The following CDYL2 variants were observed in gnomAD, a reference collection of about 807,000 sequenced individuals.
CDYL2 encodes the protein chromodomain Y like 2, also known as chromodomain Y-like protein 2.
In CDYL2, 23 loss-of-function variants were observed where a neutral mutation model predicts 49.4. The ratio of observed to expected loss-of-function variants is 0.47; its 90% confidence interval spans 0.34 to 0.66. The LOEUF (loss-of-function observed/expected upper bound fraction) is 0.66, where lower values mean the gene tolerates loss of function less well. CDYL2 is among the 30% of genes least tolerant of loss of function. The probability of loss-of-function intolerance (pLI) is 0.01; values close to 1 mark genes in which losing one functional copy is unlikely to be tolerated. For missense variants in CDYL2, 678 were observed against 656.4 expected (o/e 1.03, Z -0.36); for synonymous variants, 360 against 268.8 (o/e 1.34, Z -3.32).
intron 1 of CDYL2, among the ~76,000 whole-genome samples, chr16:80,766,979 A>G (rs996185764): frequency 6.6e-5 from 10 of 152,184 alleles, no homozygotes; most frequent in African/African-American, 2.4e-4. Flanking sequence ...TTTGCAGATG[A>G]ATAAACTGAG....
rs568361647 is a variant in CDYL2, at chr16:80,681,781, G to C, written c.616+2757C>G. 4.9e-4 allele frequency among the ~76,000 whole-genome samples: 74 copies of C among 152,316 alleles called. No individual in the cohort carries two copies. The South Asian group carries it at 0.015, about 30-fold the overall frequency. ...CAGCCTCGGGCGCCTTCTCAGCATG[G>C]GGCCAGAGGCCGGCATTCCAACTTC... On this transcript the variant is annotated intron_variant, in intron 2 of 6. Transcript: ENST00000570137.
At chr16:80,722,885 G>C (rs1056438021) in intron 1 of CDYL2, among the ~76,000 whole-genome samples, 1 of 152,180 alleles carries the variant, frequency 6.6e-6, no homozygotes, top group African/African-American at 2.4e-5. Context: ...TTCACAGGAG[G>C]GAAAATTATT....
At chr16:80,734,510 C>G (rs1905447172) in intron 1 of CDYL2, among the ~76,000 whole-genome samples, 1 of 150,778 alleles carries the variant, frequency 6.6e-6, no homozygotes, top group African/African-American at 2.4e-5. Context: ...TAGAGGACAT[C>G]TAGGTGGAAA....
Position 80,643,493 on chromosome 16 carries a change from G to A in CDYL2, c.617-10257C>T, listed in dbSNP as rs577075047. ...CTCCACAGGGACTCTGTGTGGGGGC[G>A]GTGAGCCCATATTTCCCTTCTGCAC... On this transcript the variant is annotated intron_variant, in intron 2 of 6. Coordinates refer to ENST00000570137, the MANE Select transcript of CDYL2 (RefSeq NM_152342.4). Among the ~76,000 whole-genome samples, 47 of 152,348 alleles carry A rather than the reference G, an allele frequency of 3.1e-4. No homozygotes were observed. The East Asian group carries it at 5.4e-3, about 18-fold the overall frequency.
At chr16:80,656,399 C>T (rs1908813516) in intron 2 of CDYL2, among the ~76,000 whole-genome samples, 1 of 152,262 alleles carries the variant, frequency 6.6e-6, no homozygotes, top group Non-Finnish European at 1.5e-5. Context: ...GTCGGGGGCA[C>T]TGCCTGCATT....
intron 2 of CDYL2, among the ~76,000 whole-genome samples, chr16:80,682,047 G>C (rs1319813402): frequency 1.3e-5 from 2 of 152,170 alleles, no homozygotes; most frequent in African/African-American, 2.4e-5. Context: ...TTGTTAACAA[G>C]TCCATCTCCT....
intron 4 of CDYL2, among the ~76,000 whole-genome samples, chr16:80,620,029 T>G (rs910231051): frequency 6.6e-6 from 1 of 152,170 alleles, no homozygotes; most frequent in South Asian, 2.1e-4. Context: ...CATTCCTGAA[T>G]TGTGACTTGT....
At chr16:80,795,020 T>C (rs558234735) in intron 1 of CDYL2, among the ~76,000 whole-genome samples, 2 of 152,294 alleles carry the variant, frequency 1.3e-5, no homozygotes, top group Middle Eastern at 3.4e-3. Flanking sequence ...ATTAAACAAA[T>C]GACTACTTTC....
At chr16:80,781,211 C>T (rs374235617) in intron 1 of CDYL2, among the ~76,000 whole-genome samples, 16 of 152,182 alleles carry the variant, frequency 1.1e-4, no homozygotes, top group African/African-American at 2.4e-4. Context: ...GCCCTACATC[C>T]GTTACTGGGA....
At chr16:80,710,680 T>C (rs1904565939) in intron 1 of CDYL2, among the ~76,000 whole-genome samples, 1 of 152,156 alleles carries the variant, frequency 6.6e-6, no homozygotes, top group Admixed American at 6.5e-5. Context: ...ATTGTCACGA[T>C]AGGATTGAAG....
chr16:80,636,887 G>C (rs1353719052), intron 2 of CDYL2, among the ~76,000 whole-genome samples: 2 of 152,174 alleles, frequency 1.3e-5, no homozygotes, highest in Non-Finnish European at 1.5e-5. Flanking sequence ...AAAAGGATGA[G>C]TTCATGTCCT....
intron 3 of CDYL2, among the ~76,000 whole-genome samples, chr16:80,624,477 T>C (rs1907218965): frequency 6.6e-6 from 1 of 152,198 alleles, no homozygotes; most frequent in East Asian, 1.9e-4. Context: ...CTGAGGTGTC[T>C]GATGGAAATG....
chr16:80,615,667 A>G (rs1906796299), intron 4 of CDYL2, among the ~76,000 whole-genome samples: 3 of 152,096 alleles, frequency 2.0e-5, no homozygotes. Flanking sequence ...TTTCCTCTGC[A>G]GGACCCCAGA....
chr16:80,692,431 T>C lies in CDYL2; in HGVS notation c.25-7302A>G, dbSNP rs58808595. ...GAGAACGGGGGAAGAAGATAACTCA[T>C]CTCTTAGGGGACAAAATAGGAACTG... is the stretch of plus-strand genomic sequence containing the variant. On this transcript the variant is annotated intron_variant, in intron 1 of 6. Coordinates refer to ENST00000570137, the MANE Select transcript of CDYL2 (RefSeq NM_152342.4). Among the ~76,000 whole-genome samples, 168 of 152,250 alleles carry C rather than the reference T, an allele frequency of 1.1e-3. 1 individual carries two copies. Among genetic ancestry groups the C allele is most frequent in the African/African-American group, 3.8e-3 (157 of 41,542 alleles).
chr16:80,620,421 G>T (rs1255526489), intron 4 of CDYL2, among the ~76,000 whole-genome samples: 4 of 152,154 alleles, frequency 2.6e-5, no homozygotes, highest in African/African-American at 2.4e-5. Flanking sequence ...GAGTAGTGTG[G>T]ACAACACATG....
chr16:80,658,988 C>A (rs1421980942), intron 2 of CDYL2, among the ~76,000 whole-genome samples: 2 of 151,952 alleles, frequency 1.3e-5, no homozygotes, highest in South Asian at 4.1e-4. Context: ...TAAATAATGG[C>A]AGTAATAGAT....
At chr16:80,693,985 T>C (rs1485998887) in intron 1 of CDYL2, among the ~76,000 whole-genome samples, 2 of 152,224 alleles carry the variant, frequency 1.3e-5, no homozygotes, top group African/African-American at 4.8e-5. Flanking sequence ...TGTGTTTTAA[T>C]TGGACAAAAT....
At chr16:80,611,985 C>T (rs1325442289) in intron 5 of CDYL2, among the ~76,000 whole-genome samples, 3 of 152,252 alleles carry the variant, frequency 2.0e-5, no homozygotes. Flanking sequence ...AAATCGCAAT[C>T]GTTTCCACAT....
intron 3 of CDYL2, among the ~76,000 whole-genome samples, chr16:80,631,580 G>C (rs1907563635): frequency 6.6e-6 from 1 of 152,134 alleles, no homozygotes; most frequent in African/African-American, 2.4e-5. Flanking sequence ...AAATTTGTTT[G>C]TCATAGGGCA....
Sources: gnomAD v4.1 joint callset for allele counts (sites outside exome capture counted in the v4.1 genomes callset) on GRCh38, gnomAD v4.1.1 for gene constraint, MANE v1.5 for transcripts, NCBI Gene and HGNC (gene_info 2026-07-23, HGNC 2026-07-21) for gene names.